Variants in ABHD15 observed in about 807,000 individuals in gnomAD.
The protein encoded by ABHD15 is protein ABHD15.
A neutral mutation model predicts 34.4 loss-of-function variants in ABHD15; 34 were observed. The observed-to-expected ratio is 0.99, with a 90% CI of 0.75 to 1.32. The LOEUF is 1.32. ABHD15 is among the 40% of genes most tolerant of loss of function. The pLI is 0.00. For synonymous variants in ABHD15, 314 were observed against 299.2 expected (o/e 1.05, Z -0.51); for missense variants, 644 against 650.4 (o/e 0.99, Z 0.11).
In ABHD15 at chr17:29,561,524, T is replaced by C. The variant is rs1448668523; in HGVS notation, c.*1037A>G. 6.6e-6 allele frequency: 1 copy of C among 152,214 alleles called. No individual in the cohort carries two copies. The highest frequency in any genetic ancestry group is 1.5e-5 in the Non-Finnish European group (1 of 68,036). 9.4% of individuals were successfully genotyped at this position (152,214 alleles called of 1,614,324 possible). On this transcript the variant is annotated 3_prime_UTR_variant, in exon 2 of 2. Transcript: ENST00000307201. Reference sequence around the variant, plus strand: ...GACGAAGCATTGGAATATGAAATATTTGTAAATCACTGGTCAGCTCTAGTC... The same window carrying C: ...GACGAAGCATTGGAATATGAAATATCTGTAAATCACTGGTCAGCTCTAGTC...
chr17:29,563,160 G>A, intron 1 of ABHD15, 74 bp from the exon 2 acceptor site: 1 of 1,485,606 alleles, frequency 6.7e-7, no homozygotes, highest in Non-Finnish European at 9.1e-7. Context: ...CAGCAGATGA[G>A]ACAGACAGAC....
chr17:29,566,718 C>A lies in ABHD15; in HGVS notation c.249G>T (p.Leu83=), dbSNP rs1361936545. The change falls in exon 1 of 2, where the codon CTG becomes CTT. Residue 83 remains leucine, a synonymous_variant. Transcript: ENST00000307201. ...CCTCTGAGCGCCGCAGGGCGCGCAG[C>A]AGGCACTGGGCCAGGGCCGACGGCT... The part of the protein sequence containing the change: ...VCKPSALAQC[L]LRALRRSEAL... 6.3e-7 allele frequency: 1 copy of A among 1,577,380 alleles called. No homozygotes were observed. Among genetic ancestry groups the A allele is most frequent in the Non-Finnish European group, 8.6e-7 (1 of 1,168,354 alleles).
In ABHD15 at chr17:29,566,846, C is replaced by G. The variant is rs1250367853; in HGVS notation, c.121G>C (p.Ala41Pro). ...RAVGERTLPG[A>P]QDRDDGEEAD... is the part of the protein sequence containing the mutation. ...TCCTCCCCGTCGTCTCGGTCTTGGG[C>G]CCCCGGCAGGGTCCTCTCTCCGACG... is the stretch of plus-strand genomic sequence containing the variant. The change falls in exon 1 of 2, where the codon GCC becomes CCC. Residue 41 changes from alanine (A) to proline (P), a missense_variant. Ala to Pro is a conservative substitution (Grantham distance 27). Coordinates refer to ENST00000307201, the MANE Select transcript of ABHD15 (RefSeq NM_198147.3). 2.0e-6 allele frequency: 3 copies of G among 1,514,156 alleles called. No individual in the cohort carries two copies. The highest frequency in any genetic ancestry group is 1.4e-5 in the African/African-American group (1 of 69,510). 93.8% of individuals were successfully genotyped at this position (1,514,156 alleles called of 1,614,324 possible). A position where few individuals can be genotyped will look rare whatever the true frequency, so the allele number is the denominator to read the frequency against.
In ABHD15 at chr17:29,565,488, C is replaced by T. The variant is rs146042579; in HGVS notation, c.881+598G>A. 6.0e-3 allele frequency among the ~76,000 whole-genome samples: 912 copies of T among 152,088 alleles called. 6 individuals carry two copies. Among genetic ancestry groups the T allele is most frequent in the African/African-American group, 0.02 (843 of 41,474 alleles). ...GACCACAGATGCATGCCACCACACC[C>T]GGCTAATTAAAAAAAGAAATTTTTG... On this transcript the variant is annotated intron_variant, in intron 1 of 1. Coordinates refer to ENST00000307201, the MANE Select transcript of ABHD15 (RefSeq NM_198147.3).
At position 29,566,087 on chromosome 17, in the gene ABHD15, T is replaced by G; in HGVS notation, c.880A>C (p.Arg294=). The change falls in exon 1 of 2, where the codon AGG becomes CGG. Residue 294 remains arginine, a splice_region_variant and synonymous_variant. Transcript: ENST00000307201. ...FLLHQKIALS[R]YATALEDTVD... is the part of the protein sequence containing the mutation. ...TGGTCTGCGGCCTCCGTTACCCACC[T>G]GCTGAGGGCGATCTTCTGGTGGAGC... 4 of 1,529,436 alleles carry G rather than the reference T, an allele frequency of 2.6e-6. No homozygotes were observed. Among genetic ancestry groups the G allele is most frequent in the Non-Finnish European group, 3.5e-6 (4 of 1,138,924 alleles). The allele number at this position is 1,529,436 out of a possible 1,614,324, so 94.7% of individuals were successfully genotyped here. A position where few individuals can be genotyped will look rare whatever the true frequency, so the allele number is the denominator to read the frequency against.
chr17:29,565,773 G>C (rs1310036042), intron 1 of ABHD15, among the ~76,000 whole-genome samples: 1 of 152,246 alleles, frequency 6.6e-6, no homozygotes, highest in Non-Finnish European at 1.5e-5. Context: ...GTAAATGTCA[G>C]GTATCTCTGC....
rs201536407 is a variant in ABHD15, at chr17:29,563,033, C to T, written c.935G>A (p.Arg312His). 229 of 1,611,598 alleles carry T rather than the reference C, an allele frequency of 1.4e-4. No homozygotes were observed. The highest frequency in any genetic ancestry group is 1.7e-4 in the Non-Finnish European group (205 of 1,179,996). The stretch of plus-strand genomic sequence containing the variant: ...AGCCTCCTCAAACTCTCGAAGGGAA[C>T]GGCTCCTGAACAGTCTGCTGGTGTC... ...TVDTSRLFRS[R>H]SLREFEEALF... The change falls in exon 2 of 2, where the codon CGT (arginine) becomes CAT (histidine). Residue 312 changes from arginine (R) to histidine (H), a missense_variant. Coordinates refer to ENST00000307201, the MANE Select transcript of ABHD15 (RefSeq NM_198147.3).
Position 29,566,988 on chromosome 17 carries a change from C to A in ABHD15, c.-22G>T. ...GCATGGCGAAGCTGGAGAGCCCCGG[C>A]GGGCAGCGGGCGGCGGGGCCGTCTA... On this transcript the variant is annotated 5_prime_UTR_variant, in exon 1 of 2. Coordinates refer to ENST00000307201, the MANE Select transcript of ABHD15 (RefSeq NM_198147.3). 1 of 1,292,002 alleles carries A rather than the reference C, an allele frequency of 7.7e-7. No homozygotes were observed. The highest frequency in any genetic ancestry group is 2.5e-5 in the South Asian group (1 of 40,266). The allele number at this position is 1,292,002 out of a possible 1,614,324, so 80.0% of individuals were successfully genotyped here. A position where few individuals can be genotyped will look rare whatever the true frequency, so the allele number is the denominator to read the frequency against.
At position 29,562,698 on chromosome 17, in the gene ABHD15, T is replaced by C. The variant is rs2032643303; in HGVS notation, c.1270A>G (p.Arg424Gly). 1 of 1,614,020 alleles carries C rather than the reference T, an allele frequency of 6.2e-7. No individual in the cohort carries two copies. Among genetic ancestry groups the C allele is most frequent in the Admixed American group, 1.7e-5 (1 of 60,008 alleles). Residue 424 changes from arginine (R) to glycine (G), a missense_variant, in exon 2 of 2, where the codon AGG becomes GGG. Transcript: ENST00000307201. ...ALTEFFRTEE[R>G]IKGLSRHRAS... ...CTGTGCCTGCTCAGCCCTTTAATCC[T>C]CTCCTCCGTTCGGAAGAACTCAGTC...
chr17:29,562,680 T>C lies in ABHD15; in HGVS notation c.1288A>G (p.Arg430Gly). ...CCCCCAAGGAAGGAAGCTCTGTGCCTGCTCAGCCCTTTAATCCTCTCCTCC... is the reference window on the plus strand; with the variant it reads ...CCCCCAAGGAAGGAAGCTCTGTGCCCGCTCAGCCCTTTAATCCTCTCCTCC... The part of the protein sequence containing the change: ...RTEERIKGLS[R>G]HRASFLGGRR... Residue 430 changes from arginine to glycine, a missense_variant, in exon 2 of 2, where the codon AGG becomes GGG. Physicochemically the swap from Arg to Gly is moderately radical, Grantham distance 125. Transcript: ENST00000307201. The C allele has an allele frequency of 6.2e-7, 1 of 1,614,208 alleles. No individual in the cohort carries two copies.
In ABHD15 at chr17:29,562,619, A is replaced by T; in HGVS notation, c.1349T>A (p.Val450Asp). Residue 450 changes from valine (V) to aspartate (D), a missense_variant, in exon 2 of 2, where the codon GTC (valine) becomes GAC (aspartate). By Grantham distance (152) the Val-to-Asp change is radical (BLOSUM62 -3). Coordinates refer to ENST00000307201, the MANE Select transcript of ABHD15 (RefSeq NM_198147.3). ...CTCCTCCAGGTTGGAAGAGGAAGAG[A>T]CTTCCCGCCTCTGCAAGGCTCCCCC... ...RRGGALQRRE[V>D]SSSSNLEEIF... The T allele has an allele frequency of 6.2e-7, 1 of 1,613,810 alleles. No homozygotes were observed. Among genetic ancestry groups the T allele is most frequent in the Non-Finnish European group, 8.5e-7 (1 of 1,179,958 alleles).
Position 29,562,793 on chromosome 17 carries a change from C to CA in ABHD15, c.1174dup (p.Cys392LeufsTer15). On this transcript the variant is annotated frameshift_variant, in exon 2 of 2. Coordinates refer to ENST00000307201, the MANE Select transcript of ABHD15 (RefSeq NM_198147.3). LOFTEE classifies it high-confidence loss of function. ...CAAGGGCTCCTGGCGCAGGAAGCCA[C>CA]AGTGGCCTCCGTGGCGACTGAGCAG... 1 of 1,613,402 alleles carries CA rather than the reference C, an allele frequency of 6.2e-7. No homozygotes were observed. Among genetic ancestry groups the CA allele is most frequent in the Admixed American group, 1.7e-5 (1 of 59,994 alleles).
rs866576810 is a variant in ABHD15 at position 29,567,014 on chromosome 17, C to G, written c.-48G>C. ...GGGCAGCGGGCGGCGGGGCCGTCTA[C>G]TCGGCGAGCTCCGCGCTTTGCCCGC... On this transcript the variant is annotated 5_prime_UTR_variant, in exon 1 of 2. Transcript: ENST00000307201. This position sits in a 1 kb window ranked among gnomAD's most constrained non-coding sequence, Gnocchi z 6.6. The G allele has an allele frequency of 3.2e-6, 4 of 1,249,772 alleles. No individual in the cohort carries two copies. The African/African-American group carries it at 4.7e-5, about 15-fold the overall frequency. 77.4% of individuals were successfully genotyped at this position (1,249,772 alleles called of 1,614,324 possible). A position where few individuals can be genotyped will look rare whatever the true frequency, so the allele number is the denominator to read the frequency against.
Position 29,563,091 on chromosome 17 carries a change from C to T in ABHD15, c.882-5G>A. 1 of 1,594,534 alleles carries T rather than the reference C, an allele frequency of 6.3e-7. No individual in the cohort carries two copies. The highest frequency in any genetic ancestry group is 8.5e-7 in the Non-Finnish European group (1 of 1,174,188). ...TCCTCCAGGGCTGTGGCATACCTGG[C>T]AGCGAGGTGTTTAGTGGGGAAGGTG... On this transcript the variant is annotated splice_region_variant and splice_polypyrimidine_tract_variant and intron_variant, in intron 1 of 1. Transcript: ENST00000307201.
In ABHD15 at chr17:29,566,222, C is replaced by T; in HGVS notation, c.745G>A (p.Glu249Lys). ...GTCACGTAGCTGGAGGAGCCGCACT[C>T]GCCCAGGTAGGACAGGAGCAGCGCC... ...GSALLLSYLG[E>K]CGSSSYVTGA... The change falls in exon 1 of 2, where the codon GAG becomes AAG. Residue 249 changes from glutamate (E) to lysine (K), a missense_variant. Coordinates refer to ENST00000307201, the MANE Select transcript of ABHD15 (RefSeq NM_198147.3). 1 of 1,610,920 alleles carries T rather than the reference C, an allele frequency of 6.2e-7. No individual in the cohort carries two copies. The highest frequency in any genetic ancestry group is 2.2e-5 in the East Asian group (1 of 44,836).
At position 29,566,453 on chromosome 17, in the gene ABHD15, G is replaced by A; in HGVS notation, c.514C>T (p.Arg172Cys). Residue 172 changes from arginine (R) to cysteine (C), a missense_variant, in exon 1 of 2, where the codon CGC (arginine) becomes TGC (cysteine). By Grantham distance (180) the Arg-to-Cys change is radical. Coordinates refer to ENST00000307201, the MANE Select transcript of ABHD15 (RefSeq NM_198147.3). ...AGCAAGCAAAGGCCGAGCACGTTGCGGGTGAGGCGACCCCACGCATTGGGG... is the reference window on the plus strand; with the variant it reads ...AGCAAGCAAAGGCCGAGCACGTTGCAGGTGAGGCGACCCCACGCATTGGGG... ...VIPNAWGRLT[R>C]NVLGLCLLAL... is the part of the protein sequence containing the mutation. 6.2e-7 allele frequency: 1 copy of A among 1,612,386 alleles called. No homozygotes were observed. The highest frequency in any genetic ancestry group is 8.5e-7 in the Non-Finnish European group (1 of 1,179,822).
Position 29,562,654 on chromosome 17 carries a change from GC to G in ABHD15, c.1313del (p.Gly438AlafsTer76). Reference sequence around the variant, plus strand: ...TCTGCAAGGCTCCCCCACGACGACGGCCCCCAAGGAAGGAAGCTCTGTGCCT... The same window carrying G: ...TCTGCAAGGCTCCCCCACGACGACGGCCCCAAGGAAGGAAGCTCTGTGCCT... ...LSRHRASFLGGRRRGGALQRR... is the reference protein window; with the variant it reads ...LSRHRASFLGXRRRGGALQRR... On this transcript the variant is annotated frameshift_variant, in exon 2 of 2. Transcript: ENST00000307201. LOFTEE classifies it high-confidence loss of function. 6.2e-7 allele frequency: 1 copy of G among 1,614,080 alleles called. No homozygotes were observed. Among genetic ancestry groups the G allele is most frequent in the Non-Finnish European group, 8.5e-7 (1 of 1,180,024 alleles).
chr17:29,562,841 T>C lies in ABHD15; in HGVS notation c.1127A>G (p.His376Arg). 6.2e-7 allele frequency: 1 copy of C among 1,613,800 alleles called. No homozygotes were observed. Among genetic ancestry groups the C allele is most frequent in the Non-Finnish European group, 8.5e-7 (1 of 1,179,772 alleles). ...PDHTLTTELF[H>R]SNPYFFLLLS... ...CAGGAGGAAGAAGTAGGGGTTGCTGTGGAAGAGTTCAGTTGTCAGAGTGTG... is the reference window on the plus strand; with the variant it reads ...CAGGAGGAAGAAGTAGGGGTTGCTGCGGAAGAGTTCAGTTGTCAGAGTGTG... The change falls in exon 2 of 2, where the codon CAC (histidine) becomes CGC (arginine). Residue 376 changes from histidine (H) to arginine (R), a missense_variant. By Grantham distance (29) the His-to-Arg change is conservative. Coordinates refer to ENST00000307201, the MANE Select transcript of ABHD15 (RefSeq NM_198147.3).
rs1384881725 is a variant in ABHD15 at position 29,564,115 on chromosome 17, TC to T, written c.882-1030del. Among the ~76,000 whole-genome samples, 3 of 152,356 alleles carry T rather than the reference TC, an allele frequency of 2.0e-5. No individual in the cohort carries two copies. The East Asian group carries it at 5.8e-4, about 29-fold the overall frequency. ...GCTGACAGTTCTCCTAACCTCAACTTCTGGCCCTCTGTGGAGAACTTGCTAT... is the reference window on the plus strand; with the variant it reads ...GCTGACAGTTCTCCTAACCTCAACTTTGGCCCTCTGTGGAGAACTTGCTAT... On this transcript the variant is annotated intron_variant, in intron 1 of 1. Coordinates refer to ENST00000307201, the MANE Select transcript of ABHD15 (RefSeq NM_198147.3).
Sources: gnomAD v4.1 joint callset for allele counts (sites outside exome capture counted in the v4.1 genomes callset) on GRCh38, gnomAD v4.1.1 for gene constraint, Gnocchi (gnomAD v3.1) non-coding constraint, MANE v1.5 for transcripts, NCBI Gene and HGNC (gene_info 2026-07-23, HGNC 2026-07-21) for gene names.